The following TGFBR2 variants were observed in gnomAD, a reference collection of about 807,000 sequenced individuals.
TGFBR2 encodes transforming growth factor beta receptor 2.
In TGFBR2, 18 loss-of-function variants were observed where a neutral mutation model predicts 49.0. The observed-to-expected ratio is 0.37, with a 90% CI of 0.25 to 0.54. The LOEUF is 0.54. TGFBR2 is among the 20% of genes least tolerant of loss of function. The pLI is 0.85. For synonymous variants in TGFBR2, 282 were observed against 275.9 expected, an observed-to-expected ratio of 1.02 and a Z score of -0.22; for missense variants, 525 against 722.6, an observed-to-expected ratio of 0.73 and a Z score of 3.13.
At chr3:30,666,179 A>T (rs1203600306) in intron 3 of TGFBR2, among the ~76,000 whole-genome samples, 2 of 152,198 alleles carry the variant, frequency 1.3e-5, no homozygotes, top group African/African-American at 4.8e-5. Context: ...AATGTTTACT[A>T]TTATAGCCTC....
intron 1 of TGFBR2, among the ~76,000 whole-genome samples, chr3:30,618,658 A>T (rs201382103): frequency 6.6e-6 from 1 of 152,190 alleles, no homozygotes; most frequent in Non-Finnish European, 1.5e-5. Context: ...ATACCACAGC[A>T]TTTCTTAAAA....
intron 3 of TGFBR2, among the ~76,000 whole-genome samples, chr3:30,660,323 G>C (rs1261410702): frequency 6.6e-6 from 1 of 152,104 alleles, no homozygotes; most frequent in Non-Finnish European, 1.5e-5. Context: ...CTTAGGCTTG[G>C]CTGCACATTG....
In TGFBR2 at chr3:30,658,912, T is replaced by C. The variant is rs572537309; in HGVS notation, c.454+8452T>C. Among the ~76,000 whole-genome samples the C allele has an allele frequency of 1.5e-4, 23 of 152,340 alleles. 1 individual carries two copies. In the South Asian group the frequency reaches 4.8e-3, roughly 32 times the overall value. On this transcript the variant is annotated intron_variant, in intron 3 of 6. Coordinates refer to ENST00000295754, the MANE Select transcript of TGFBR2 (RefSeq NM_003242.6). ...CATCCAGCAAACCCACTCTGTGTAC[T>C]GATCGCATGCATTGAGCATTTTGTT...
Position 30,674,089 on chromosome 3 carries a change from T to C in TGFBR2, c.1255-16T>C. Reference sequence around the variant, plus strand: ...TGGAATTAAATGATGGGCCTCACTGTCTGTTTTTGCTATAGGTGGGAACTG... The same window carrying C: ...TGGAATTAAATGATGGGCCTCACTGCCTGTTTTTGCTATAGGTGGGAACTG... On this transcript the variant is annotated splice_polypyrimidine_tract_variant and intron_variant, in intron 4 of 6. Transcript: ENST00000295754. The C allele has an allele frequency of 6.2e-7, 1 of 1,614,182 alleles. No individual in the cohort carries two copies. The highest frequency in any genetic ancestry group is 2.2e-5 in the East Asian group (1 of 44,884).
chr3:30,644,703 C>T (rs762379920), intron 1 of TGFBR2, 44 bp from the exon 2 acceptor site: 2 of 1,587,404 alleles, frequency 1.3e-6, no homozygotes, highest in Middle Eastern at 1.7e-4. Context: ...GGCAGGCTGC[C>T]TGGCAGTTGG....
chr3:30,673,717 T>A (rs747663181), intron 4 of TGFBR2, among the ~76,000 whole-genome samples: 1 of 146,452 alleles, frequency 6.8e-6, no homozygotes, highest in Non-Finnish European at 1.5e-5. Context: ...TCTTGGAGTT[T>A]CAGGAATAAA....
intron 2 of TGFBR2, 55 bp from the exon 3 acceptor site, chr3:30,650,215 A>T (rs2125409610): frequency 1.3e-6 from 2 of 1,563,152 alleles, no homozygotes; most frequent in South Asian, 1.1e-5. Context: ...TTATTCATTT[A>T]TTCTCTTTCT....
intron 1 of TGFBR2, among the ~76,000 whole-genome samples, chr3:30,621,979 G>A (rs777343219): frequency 5.9e-5 from 9 of 152,136 alleles, no homozygotes; most frequent in Non-Finnish European, 1.3e-4. Flanking sequence ...ACTTGACTAA[G>A]TATTAGATGT....
At chr3:30,628,183 T>C (rs1698370091) in intron 1 of TGFBR2, among the ~76,000 whole-genome samples, 1 of 151,418 alleles carries the variant, frequency 6.6e-6, no homozygotes, top group Admixed American at 6.6e-5. Flanking sequence ...TAGTACTGCC[T>C]TGTGGGAGAA....
chr3:30,680,472 G>C (rs1314324931), intron 5 of TGFBR2, among the ~76,000 whole-genome samples: 1 of 151,900 alleles, frequency 6.6e-6, no homozygotes, highest in Non-Finnish European at 1.5e-5. Context: ...AAATGCCAGG[G>C]ATACAGCAGT....
At position 30,688,451 on chromosome 3, in the gene TGFBR2, G is replaced by A. The variant is rs753282415; in HGVS notation, c.1464G>A (p.Lys488=). The change falls in exon 6 of 7, where the codon AAG becomes AAA. Residue 488 remains lysine, a synonymous_variant. Transcript: ENST00000295754. ...AGCACCCCTGTGTCGAAAGCATGAA[G>A]GACAACGTGTTGAGAGATCGAGGGC... ...VREHPCVESM[K]DNVLRDRGRP... is the part of the protein sequence containing the mutation. The A allele has an allele frequency of 2.4e-5, 39 of 1,614,218 alleles. No individual in the cohort carries two copies. Among genetic ancestry groups the A allele is most frequent in the Non-Finnish European group, 2.8e-5 (33 of 1,180,024 alleles).
rs767870504 is a variant in TGFBR2, at chr3:30,691,623, T to A, written c.*24T>A. ...AGCTCTTCTGGGGCAGGCTGGGCCA[T>A]GTCCAAAGAGGCTGCCCCTCTCACC... On this transcript the variant is annotated 3_prime_UTR_variant, in exon 7 of 7. Coordinates refer to ENST00000295754, the MANE Select transcript of TGFBR2 (RefSeq NM_003242.6). 2.5e-6 allele frequency: 4 copies of A among 1,613,792 alleles called. No individual in the cohort carries two copies. In the South Asian group the frequency reaches 3.3e-5, roughly 13 times the overall value.
At chr3:30,642,206 C>T (rs2125402590) in intron 1 of TGFBR2, among the ~76,000 whole-genome samples, 1 of 152,268 alleles carries the variant, frequency 6.6e-6, no homozygotes, top group South Asian at 2.1e-4. Context: ...AGCTAATCAC[C>T]TCTCCTTAGG....
chr3:30,626,691 G>C (rs1467172203), intron 1 of TGFBR2: 1 of 152,550 alleles, frequency 6.6e-6, no homozygotes, highest in African/African-American at 2.4e-5. Flanking sequence ...CAGACACCAG[G>C]CATCCTTTCA....
chr3:30,644,220 C>T (rs986187419), intron 1 of TGFBR2, among the ~76,000 whole-genome samples: 32 of 152,150 alleles, frequency 2.1e-4, no homozygotes, highest in African/African-American at 7.0e-4. Context: ...CCTCCAGCAA[C>T]GGTTCCTCCT....
chr3:30,666,398 G>T (rs1308451204), intron 3 of TGFBR2, among the ~76,000 whole-genome samples: 7 of 152,034 alleles, frequency 4.6e-5, no homozygotes, highest in Non-Finnish European at 7.4e-5. Context: ...TTATTTCCTG[G>T]CAGGAAAAAG....
intron 1 of TGFBR2, among the ~76,000 whole-genome samples, chr3:30,643,136 A>G (rs760990547): frequency 6.6e-6 from 1 of 152,240 alleles, no homozygotes; most frequent in Non-Finnish European, 1.5e-5. Flanking sequence ...TAAAATTCAC[A>G]GGACAGAGAG....
At chr3:30,664,201 GTCAAACTCCTGGGC>G (rs988265345) in intron 3 of TGFBR2, among the ~76,000 whole-genome samples, 5 of 150,562 alleles carry the variant, frequency 3.3e-5, no homozygotes, top group Admixed American at 1.3e-4. Flanking sequence ...CCAGGCTGGT[GTCAAACTCCTGGGC>G]TCAAGTGATC....
chr3:30,691,338 T>C, intron 6 of TGFBR2, 82 bp from the exon 7 acceptor site: 2 of 1,511,474 alleles, frequency 1.3e-6, no homozygotes, highest in Non-Finnish European at 1.8e-6. Flanking sequence ...GCACTCACTA[T>C]AGCAACAAGG....
Sources: gnomAD v4.1 joint callset for allele counts (sites outside exome capture counted in the v4.1 genomes callset) on GRCh38, gnomAD v4.1.1 for gene constraint, MANE v1.5 for transcripts, NCBI Gene and HGNC (gene_info 2026-07-23, HGNC 2026-07-21) for gene names.